The following ANKDD1B variants were observed in gnomAD, a reference collection of about 807,000 sequenced individuals.
ANKDD1B encodes the protein ankyrin repeat and death domain containing 1B, also known as ankyrin repeat and death domain-containing protein 1B.
In ANKDD1B, 57 loss-of-function variants were observed where a neutral mutation model predicts 59.7. That is an observed-to-expected ratio of 0.95 (90% CI 0.77 to 1.19). The LOEUF (loss-of-function observed/expected upper bound fraction) is 1.19. ANKDD1B is among the 50% of genes most tolerant of loss of function. The pLI, the probability that ANKDD1B is intolerant of heterozygous loss-of-function variation, is 0.00. For missense variants in ANKDD1B, 602 were observed against 641.9 expected (o/e 0.94, Z 0.67); for synonymous variants, 216 against 239.5 (o/e 0.90, Z 0.91).
chr5:75,650,735 C>T (rs1774809104), intron 7 of ANKDD1B, among the ~76,000 whole-genome samples: 1 of 152,144 alleles, frequency 6.6e-6, no homozygotes, highest in Non-Finnish European at 1.5e-5. Context: ...GCATCTGTTC[C>T]ATTATCTATT....
chr5:75,635,259 A>C, intron 6 of ANKDD1B: 1 of 317,148 alleles, frequency 3.2e-6, no homozygotes, highest in Non-Finnish European at 6.0e-6. Context: ...GATCAACTCC[A>C]CCCCTCTTCT....
At chr5:75,637,157 G>T (rs1207859894) in intron 7 of ANKDD1B, among the ~76,000 whole-genome samples, 1 of 145,810 alleles carries the variant, frequency 6.9e-6, no homozygotes, top group East Asian at 2.1e-4. Context: ...AGGCAGGAGA[G>T]TCGCTTGAAC....
In ANKDD1B at chr5:75,666,841, TCAAG is replaced by T; in HGVS notation, c.1246_1249del (p.Gln416IlefsTer21). 1 of 1,536,032 alleles carries T rather than the reference TCAAG, an allele frequency of 6.5e-7. No individual in the cohort carries two copies. The highest frequency in any genetic ancestry group is 8.7e-7 in the Non-Finnish European group (1 of 1,146,868). ...CCGTCAACAGGCTTTACTCTGACAT[TCAAG>T]CAAGATCACAGTCTGGAGACCAGAC... On this transcript the variant is annotated frameshift_variant, in exon 12 of 14. Transcript: ENST00000601380. LOFTEE classifies it high-confidence loss of function.
chr5:75,630,976 G>A (rs750282908), intron 5 of ANKDD1B, among the ~76,000 whole-genome samples: 4 of 152,174 alleles, frequency 2.6e-5, no homozygotes, highest in Non-Finnish European at 2.9e-5. Context: ...GAACAACTCT[G>A]GCCCTACCTG....
intron 7 of ANKDD1B, among the ~76,000 whole-genome samples, chr5:75,640,140 C>T (rs1774425811): frequency 6.6e-6 from 1 of 151,870 alleles, no homozygotes; most frequent in Non-Finnish European, 1.5e-5. Flanking sequence ...ACATCCTGGG[C>T]TCAGGTGATC....
chr5:75,633,460 C>T (rs1050882220), intron 5 of ANKDD1B, among the ~76,000 whole-genome samples: 3 of 151,986 alleles, frequency 2.0e-5, no homozygotes, highest in Non-Finnish European at 2.9e-5. Context: ...TTGGGGGCTC[C>T]TATGTTGTTA....
chr5:75,621,046 C>T (rs1047960421), intron 3 of ANKDD1B, among the ~76,000 whole-genome samples: 2 of 152,152 alleles, frequency 1.3e-5, no homozygotes, highest in South Asian at 4.2e-4. Context: ...GCTTTATGAC[C>T]GCAGTTCCTC....
chr5:75,613,394 A>G (rs1561428721), intron 1 of ANKDD1B, among the ~76,000 whole-genome samples: 2 of 152,192 alleles, frequency 1.3e-5, no homozygotes, highest in Non-Finnish European at 2.9e-5. Flanking sequence ...AGATTGACAT[A>G]TGAAACACTT....
intron 7 of ANKDD1B, among the ~76,000 whole-genome samples, chr5:75,651,960 G>A (rs1212172806): frequency 3.3e-5 from 5 of 152,176 alleles, no homozygotes; most frequent in African/African-American, 1.2e-4. Context: ...CAGCTCTCTG[G>A]CCTCTTTTTG....
chr5:75,644,277 T>A (rs1409614551), intron 7 of ANKDD1B, among the ~76,000 whole-genome samples: 1,086 of 56,432 alleles, frequency 0.019, 22 homozygotes, highest in Non-Finnish European at 0.023. Flanking sequence ...TGGACTAAAT[T>A]CTGCAATTAA....
chr5:75,652,510 C>T (rs1425453174), intron 7 of ANKDD1B, among the ~76,000 whole-genome samples: 2 of 152,142 alleles, frequency 1.3e-5, no homozygotes, highest in Non-Finnish European at 2.9e-5. Context: ...GGCATGATCT[C>T]GGCTCACTGC....
chr5:75,648,726 C>CA lies in ANKDD1B; in HGVS notation c.799-4415dup, dbSNP rs1774733057. 2.0e-5 allele frequency among the ~76,000 whole-genome samples: 3 copies of CA among 152,224 alleles called. No individual in the cohort carries two copies. In the South Asian group the frequency reaches 6.2e-4, roughly 32 times the overall value. On this transcript the variant is annotated intron_variant, in intron 7 of 13. Coordinates refer to ENST00000601380, the MANE Select transcript of ANKDD1B (RefSeq NM_001276713.2). ...GCTATCCACACCTATCTGTCCAACCCAGTGAAAACCCTGGGGAGAAAAGCA... is the reference window on the plus strand; with the variant it reads ...GCTATCCACACCTATCTGTCCAACCCAAGTGAAAACCCTGGGGAGAAAAGCA...
chr5:75,646,860 G>T (rs1579959139), intron 7 of ANKDD1B, among the ~76,000 whole-genome samples: 1 of 106,490 alleles, frequency 9.4e-6, no homozygotes, highest in Admixed American at 9.1e-5. Context: ...ATACTGCAAG[G>T]CTACAGTAAC....
At chr5:75,612,670 T>A (rs138028706) in intron 1 of ANKDD1B, among the ~76,000 whole-genome samples, 1 of 152,296 alleles carries the variant, frequency 6.6e-6, no homozygotes, top group African/African-American at 2.4e-5. Context: ...TGGAACATTC[T>A]GTTGTGGTGG....
chr5:75,617,515 T>C (rs1773744676), intron 2 of ANKDD1B, among the ~76,000 whole-genome samples: 1 of 152,148 alleles, frequency 6.6e-6, no homozygotes, highest in Admixed American at 6.5e-5. Flanking sequence ...TTGTGAGGAT[T>C]TCCTGATAGT....
At chr5:75,638,222 G>A (rs1487973399) in intron 7 of ANKDD1B, among the ~76,000 whole-genome samples, 1 of 152,140 alleles carries the variant, frequency 6.6e-6, no homozygotes, top group Non-Finnish European at 1.5e-5. Flanking sequence ...GCATGCATGT[G>A]GATTTCATCT....
chr5:75,648,404 G>T (rs1055003800), intron 7 of ANKDD1B, among the ~76,000 whole-genome samples: 3 of 151,998 alleles, frequency 2.0e-5, no homozygotes, highest in African/African-American at 7.2e-5. Context: ...TCCTGGGAAG[G>T]CTTCCCAGGT....
intron 7 of ANKDD1B, among the ~76,000 whole-genome samples, chr5:75,638,350 A>G (rs1355901391): frequency 1.3e-5 from 2 of 152,186 alleles, no homozygotes; most frequent in Non-Finnish European, 2.9e-5. Context: ...AGTGATAATA[A>G]TATTATCTTT....
intron 11 of ANKDD1B, among the ~76,000 whole-genome samples, chr5:75,666,280 A>G (rs144916501): frequency 2.0e-5 from 3 of 152,000 alleles, no homozygotes; most frequent in African/African-American, 7.2e-5. Flanking sequence ...CTCTTCCCCA[A>G]GCCCCAGCCT....
Sources: gnomAD v4.1 joint callset for allele counts (sites outside exome capture counted in the v4.1 genomes callset) on GRCh38, gnomAD v4.1.1 for gene constraint, MANE v1.5 for transcripts, NCBI Gene and HGNC (gene_info 2026-07-23, HGNC 2026-07-21) for gene names.